The following MID1 variants were observed in gnomAD, a reference collection of about 807,000 sequenced individuals.
MID1 encodes the protein midline 1.
MID1 carries 7 observed loss-of-function variants against 40.4 expected under a neutral mutation model. The observed-to-expected ratio is 0.17, with a 90% CI of 0.10 to 0.33. MID1 has a LOEUF of 0.33. MID1 is among the 10% of genes least tolerant of loss of function. The pLI is 1.00. For missense variants in MID1, 367 were observed against 558.5 expected (o/e 0.66, Z 3.46); for synonymous variants, 229 against 221.2 (o/e 1.04, Z -0.31).
chrX:10,579,733 G>A (rs371222462), intron 1 of MID1, among the ~76,000 whole-genome samples: 4 of 109,889 alleles, frequency 3.6e-5, no homozygotes, highest in African/African-American at 1.0e-4. Context: ...TAACTATTAC[G>A]AATAACATGC....
chrX:10,792,166 C>G (rs1304263989), intron 1 of MID1, among the ~76,000 whole-genome samples: 1 of 111,898 alleles, frequency 8.9e-6, no homozygotes, highest in Non-Finnish European at 1.9e-5. Flanking sequence ...TAATGTAAAA[C>G]CAGACATAGA....
intron 1 of MID1, among the ~76,000 whole-genome samples, chrX:10,788,367 T>C (rs1281436317): frequency 8.9e-6 from 1 of 111,787 alleles, no homozygotes; most frequent in Non-Finnish European, 1.9e-5. Flanking sequence ...TTCATGGTTG[T>C]GTCACCTTTA....
chrX:10,685,082 A>C (rs947788615), intron 1 of MID1, among the ~76,000 whole-genome samples: 1 of 112,315 alleles, frequency 8.9e-6, no homozygotes, highest in Non-Finnish European at 1.9e-5. Context: ...GTATTCTATT[A>C]TATACATATG....
intron 1 of MID1, among the ~76,000 whole-genome samples, chrX:10,738,288 G>A (rs758618828): frequency 1.3e-4 from 15 of 112,128 alleles, no homozygotes; most frequent in Non-Finnish European, 2.4e-4. Flanking sequence ...AAGCCAGGGA[G>A]GGCATGGGTG....
intron 8 of MID1, among the ~76,000 whole-genome samples, chrX:10,455,666 T>TA (rs1928616543): frequency 8.9e-6 from 1 of 112,072 alleles, no homozygotes; most frequent in South Asian, 3.7e-4. Flanking sequence ...GGTCTTAACA[T>TA]ATAGAATATT....
At chrX:10,711,003 G>A (rs1296061547) in intron 1 of MID1, among the ~76,000 whole-genome samples, 1 of 111,405 alleles carries the variant, frequency 9.0e-6, no homozygotes, top group Non-Finnish European at 1.9e-5. Context: ...CTCATTAAAT[G>A]GCTCTTCATC....
At chrX:10,466,954 C>A (rs1929418483) in intron 7 of MID1, among the ~76,000 whole-genome samples, 1 of 111,310 alleles carries the variant, frequency 9.0e-6, no homozygotes, top group Admixed American at 9.6e-5. Context: ...AGAAATTGCA[C>A]CTCAAGAGAT....
chrX:10,726,522 A>G (rs1484900103), intron 1 of MID1, among the ~76,000 whole-genome samples: 1 of 111,794 alleles, frequency 8.9e-6, no homozygotes, highest in Non-Finnish European at 1.9e-5. Flanking sequence ...AAAAAAACAG[A>G]ATAAGAGATA....
At chrX:10,628,758 T>A (rs1335863208) in intron 1 of MID1, among the ~76,000 whole-genome samples, 4 of 111,482 alleles carry the variant, frequency 3.6e-5, no homozygotes, top group African/African-American at 1.3e-4. Flanking sequence ...AGATGCACAA[T>A]ACAATATAAT....
chrX:10,497,859 T>C (rs1356546363), intron 3 of MID1, among the ~76,000 whole-genome samples: 3 of 111,982 alleles, frequency 2.7e-5, no homozygotes, highest in Non-Finnish European at 5.6e-5. Context: ...TTGTATTAAA[T>C]AAGGTATCTA....
At chrX:10,645,388 C>T (rs745520768) in intron 1 of MID1, among the ~76,000 whole-genome samples, 1 of 111,809 alleles carries the variant, frequency 8.9e-6, no homozygotes, top group South Asian at 3.7e-4. Flanking sequence ...CTGAATTGGT[C>T]ACAGCTCAGT....
intron 1 of MID1, among the ~76,000 whole-genome samples, chrX:10,737,084 ACT>A (rs909854621): frequency 6.3e-5 from 7 of 111,839 alleles, no homozygotes; most frequent in Middle Eastern, 9.2e-3. Context: ...TCTTATAAAA[ACT>A]CTCTGTATTT....
chrX:10,738,338 G>A (rs1266422948), intron 1 of MID1, among the ~76,000 whole-genome samples: 1 of 111,831 alleles, frequency 8.9e-6, no homozygotes, highest in Non-Finnish European at 1.9e-5. Context: ...GCCACCCACA[G>A]CAGTTCTCAT....
chrX:10,469,675 A>G, intron 7 of MID1, 22 bp downstream of exon 7: 2 of 1,211,836 alleles, frequency 1.7e-6, no homozygotes, highest in African/African-American at 3.5e-5. Context: ...AGACAGAAAT[A>G]AATAGGCCAT....
At chrX:10,537,216 A>AG (rs937494120) in intron 2 of MID1, among the ~76,000 whole-genome samples, 2 of 111,338 alleles carry the variant, frequency 1.8e-5, no homozygotes, top group African/African-American at 6.5e-5. Context: ...TGGTATTGAA[A>AG]GGGGGAGAGG....
At chrX:10,458,022 G>A (rs1281749390) in intron 8 of MID1, among the ~76,000 whole-genome samples, 1 of 112,523 alleles carries the variant, frequency 8.9e-6, no homozygotes, top group Non-Finnish European at 1.9e-5. Flanking sequence ...TAGGATTAAT[G>A]TGCTTTATTC....
chrX:10,542,425 A>G (rs1353146294), intron 2 of MID1, among the ~76,000 whole-genome samples: 1 of 112,135 alleles, frequency 8.9e-6, no homozygotes, highest in African/African-American at 3.2e-5. Context: ...GCCAGTTGTA[A>G]GAAATGTGGA....
chrX:10,457,148 T>C (rs1928729203), intron 8 of MID1, among the ~76,000 whole-genome samples: 1 of 111,731 alleles, frequency 9.0e-6, no homozygotes, highest in East Asian at 2.8e-4. Flanking sequence ...CAGGAAGAAA[T>C]TCCTTAATGG....
intron 1 of MID1, among the ~76,000 whole-genome samples, chrX:10,591,589 A>G (rs1322479348): frequency 9.0e-6 from 1 of 111,613 alleles, no homozygotes; most frequent in Non-Finnish European, 1.9e-5. Flanking sequence ...AGGGAGCTTT[A>G]TTGTGCCGGA....
Sources: allele counts gnomAD v4.1 joint callset (sites outside exome capture counted in the v4.1 genomes callset), GRCh38; gene constraint gnomAD v4.1.1; transcripts MANE v1.5; gene names NCBI Gene and HGNC (gene_info 2026-07-23, HGNC 2026-07-21).